TMEM178B: variants seen among roughly 807,000 people sequenced by gnomAD.
TMEM178B encodes the protein transmembrane protein 178B.
A neutral mutation model predicts 31.0 loss-of-function variants in TMEM178B; 5 were observed. The observed-to-expected ratio is 0.16, with a 90% confidence interval of 0.08 to 0.34. The LOEUF is 0.34. Ranked by LOEUF, TMEM178B falls within the 10% of genes least tolerant of loss-of-function variation. The probability of loss-of-function intolerance (pLI) is 1.00; values close to 1 mark genes in which losing one functional copy is unlikely to be tolerated. For synonymous variants in TMEM178B, 164 were observed against 164.0 expected, an observed-to-expected ratio of 1.00 and a Z score of 0.00; for missense variants, 275 against 400.3, an observed-to-expected ratio of 0.69 and a Z score of 2.67.
intron 2 of TMEM178B, among the ~76,000 whole-genome samples, chr7:141,383,476 T>G (rs1800367354): frequency 6.6e-6 from 1 of 152,012 alleles, no homozygotes. Context: ...ATGTTCGGTT[T>G]TTTGTCCTTG....
chr7:141,199,713 G>A (rs1796844264), intron 1 of TMEM178B, among the ~76,000 whole-genome samples: 1 of 151,852 alleles, frequency 6.6e-6, no homozygotes, highest in African/African-American at 2.4e-5. Context: ...CAGCCTCCAA[G>A]AAGCTGAAAC....
chr7:141,157,514 GAAC>G (rs756842782), intron 1 of TMEM178B, among the ~76,000 whole-genome samples: 22 of 151,772 alleles, frequency 1.4e-4, no homozygotes, highest in African/African-American at 3.1e-4. Context: ...GACAATAACA[GAAC>G]AACAACAACA....
At chr7:141,267,384 C>A (rs575057537) in intron 2 of TMEM178B, among the ~76,000 whole-genome samples, 9 of 152,254 alleles carry the variant, frequency 5.9e-5, no homozygotes, top group African/African-American at 2.2e-4. Context: ...GAGGACATTG[C>A]CTAATTTAAA....
chr7:141,493,073 C>T, the TMEM178B span, among the ~76,000 whole-genome samples: 1,301 of 152,260 alleles, frequency 8.5e-3, 11 homozygotes, highest in African/African-American at 0.03. Context: ...TGTGAATCTC[C>T]ATCTTGCTCT....
intron 2 of TMEM178B, among the ~76,000 whole-genome samples, chr7:141,435,160 G>A (rs574343856): frequency 5.3e-5 from 8 of 152,198 alleles, no homozygotes; most frequent in African/African-American, 9.6e-5. Flanking sequence ...ATGGTGCTCC[G>A]GTAAATGGAA....
intron 1 of TMEM178B, among the ~76,000 whole-genome samples, chr7:141,097,375 A>G (rs894551163): frequency 6.6e-6 from 1 of 151,574 alleles, no homozygotes; most frequent in Admixed American, 6.6e-5. Flanking sequence ...CAAAAAAAAA[A>G]AAAAAAAAAA....
chr7:141,468,755 CAAAAG>C (rs914987676), intron 3 of TMEM178B, among the ~76,000 whole-genome samples: 1 of 152,074 alleles, frequency 6.6e-6, no homozygotes, highest in African/African-American at 2.4e-5. Context: ...GTTTAATAGA[CAAAAG>C]AAAGAGAAAG....
chr7:141,436,440 A>G (rs1801541809), intron 2 of TMEM178B, among the ~76,000 whole-genome samples: 2 of 152,128 alleles, frequency 1.3e-5, no homozygotes, highest in Non-Finnish European at 2.9e-5. Flanking sequence ...GGCAGGATAA[A>G]TAGCTTTGCT....
At chr7:141,465,784 A>G (rs1221704548) in intron 3 of TMEM178B, among the ~76,000 whole-genome samples, 1 of 152,162 alleles carries the variant, frequency 6.6e-6, no homozygotes, top group Non-Finnish European at 1.5e-5. Context: ...GCACTTTGGG[A>G]GGCCAAGGTG....
At chr7:141,227,145 A>T (rs1371550572) in intron 2 of TMEM178B, among the ~76,000 whole-genome samples, 1 of 152,014 alleles carries the variant, frequency 6.6e-6, no homozygotes, top group Non-Finnish European at 1.5e-5. Flanking sequence ...CAGAGCAGTG[A>T]CACAGACTCA....
intron 2 of TMEM178B, among the ~76,000 whole-genome samples, chr7:141,289,773 A>T (rs1798515355): frequency 6.6e-6 from 1 of 151,934 alleles, no homozygotes; most frequent in African/African-American, 2.4e-5. Flanking sequence ...ATCAAGGTGC[A>T]GGGCTTTCAT....
At chr7:141,236,624 G>A (rs1312435072) in intron 2 of TMEM178B, among the ~76,000 whole-genome samples, 1 of 152,248 alleles carries the variant, frequency 6.6e-6, no homozygotes, top group Non-Finnish European at 1.5e-5. Context: ...TGAGTGAGGA[G>A]TGGGAGAAAA....
intron 1 of TMEM178B, among the ~76,000 whole-genome samples, chr7:141,168,505 A>G (rs970117595): frequency 1.3e-5 from 2 of 152,158 alleles, no homozygotes; most frequent in African/African-American, 4.8e-5. Context: ...TCAAAAGATG[A>G]TTCTGCCTGT....
At chr7:141,090,939 A>T (rs1178449697) in intron 1 of TMEM178B, among the ~76,000 whole-genome samples, 1 of 152,206 alleles carries the variant, frequency 6.6e-6, no homozygotes, top group Admixed American at 6.5e-5. Context: ...TTTAGCCATA[A>T]TATCTGAAGG....
At chr7:141,263,202 C>T (rs1563135182) in intron 2 of TMEM178B, among the ~76,000 whole-genome samples, 1 of 152,146 alleles carries the variant, frequency 6.6e-6, no homozygotes, top group Non-Finnish European at 1.5e-5. Flanking sequence ...GGATTTCAGA[C>T]GTTGTTGTGG....
intron 2 of TMEM178B, among the ~76,000 whole-genome samples, chr7:141,359,047 C>T (rs1799871938): frequency 6.6e-6 from 1 of 152,116 alleles, no homozygotes; most frequent in South Asian, 2.1e-4. Context: ...GCTTTGATAA[C>T]TAAAATGGTA....
At chr7:141,184,851 A>G (rs748672581) in intron 1 of TMEM178B, among the ~76,000 whole-genome samples, 1 of 152,212 alleles carries the variant, frequency 6.6e-6, no homozygotes, top group Admixed American at 6.5e-5. Flanking sequence ...TGGTACAAAT[A>G]AACTTCTGGA....
chr7:141,230,397 A>G (rs1308621100), intron 2 of TMEM178B, among the ~76,000 whole-genome samples: 5 of 152,104 alleles, frequency 3.3e-5, no homozygotes, highest in Admixed American at 3.3e-4. Context: ...AAAAAAAGTT[A>G]CTCATTTTTG....
chr7:141,446,116 C>T (rs556762524), intron 3 of TMEM178B, among the ~76,000 whole-genome samples: 2 of 152,248 alleles, frequency 1.3e-5, no homozygotes, highest in African/African-American at 2.4e-5. Flanking sequence ...CCGGGTTTAC[C>T]TAATGTACCT....
Sources: allele counts gnomAD v4.1 joint callset (sites outside exome capture counted in the v4.1 genomes callset), GRCh38; gene constraint gnomAD v4.1.1; transcripts MANE v1.5; gene names NCBI Gene and HGNC (gene_info 2026-07-23, HGNC 2026-07-21).